MALRD1: variants seen among roughly 807,000 people sequenced by gnomAD.
MALRD1 encodes the protein MAM and LDL receptor class A domain containing 1, also known as MAM and LDL-receptor class A domain-containing protein 1.
In MALRD1, 247 loss-of-function variants were observed where a neutral mutation model predicts 242.1. That is an observed-to-expected ratio of 1.02 (90% CI 0.92 to 1.13). The LOEUF (loss-of-function observed/expected upper bound fraction) is 1.13, where lower values mean the gene tolerates loss of function less well. MALRD1 is among the 50% of genes most tolerant of loss of function. The probability of loss-of-function intolerance (pLI) is 0.00; values close to 1 mark genes in which losing one functional copy is unlikely to be tolerated. For missense variants in MALRD1, 2,989 were observed against 2,533.1 expected (o/e 1.18, Z -3.86); for synonymous variants, 995 against 866.6 (o/e 1.15, Z -2.60).
intron 29 of MALRD1, among the ~76,000 whole-genome samples, chr10:19,475,275 C>T (rs1257684731): frequency 3.3e-5 from 5 of 151,954 alleles, no homozygotes; most frequent in African/African-American, 4.8e-5. Flanking sequence ...ATTAGCCAGG[C>T]GTGGTGGTGG....
At chr10:19,509,852 G>C (rs1436254961) in intron 31 of MALRD1, among the ~76,000 whole-genome samples, 2 of 152,158 alleles carry the variant, frequency 1.3e-5, no homozygotes, top group African/African-American at 4.8e-5. Flanking sequence ...TTTCTCGTCA[G>C]GTGGAAGGAG....
At chr10:19,573,453 G>A (rs1199884148) in intron 33 of MALRD1, among the ~76,000 whole-genome samples, 2 of 152,164 alleles carry the variant, frequency 1.3e-5, no homozygotes, top group Non-Finnish European at 2.9e-5. Flanking sequence ...GCCCAGTGGA[G>A]CAGAGACATG....
chr10:19,554,769 A>G (rs1288224211), intron 32 of MALRD1, among the ~76,000 whole-genome samples: 1 of 152,142 alleles, frequency 6.6e-6, no homozygotes, highest in Non-Finnish European at 1.5e-5. Context: ...TATATGCACC[A>G]CATTTTTTGT....
chr10:19,513,602 G>C (rs992455268), intron 31 of MALRD1, among the ~76,000 whole-genome samples: 12 of 151,936 alleles, frequency 7.9e-5, no homozygotes, highest in African/African-American at 2.9e-4. Context: ...AGCCAGGCGT[G>C]GTAGCGGGTG....
At chr10:19,113,869 C>A (rs1836779614) in intron 5 of MALRD1, among the ~76,000 whole-genome samples, 6 of 151,156 alleles carry the variant, frequency 4.0e-5, no homozygotes, top group Admixed American at 4.0e-4. Context: ...TGATTTATCT[C>A]CATGACTAAA....
intron 31 of MALRD1, among the ~76,000 whole-genome samples, chr10:19,516,768 TTCTTCTCCTCCC>T (rs546591755): frequency 7.0e-6 from 1 of 143,636 alleles, no homozygotes; most frequent in East Asian, 2.3e-4. Flanking sequence ...CCCCTTCACC[TTCTTCTCCTCCC>T]TCTTCTCCTC....
At chr10:19,636,669 C>T (rs1042281772) in intron 36 of MALRD1, among the ~76,000 whole-genome samples, 2 of 151,920 alleles carry the variant, frequency 1.3e-5, no homozygotes, top group African/African-American at 2.4e-5. Flanking sequence ...AAGGCCGTGG[C>T]GAGTGGATCA....
chr10:19,333,987 T>C (rs1843497699), intron 24 of MALRD1, among the ~76,000 whole-genome samples: 1 of 152,128 alleles, frequency 6.6e-6, no homozygotes, highest in Non-Finnish European at 1.5e-5. Flanking sequence ...CACTTTTTAA[T>C]GGGGTTGTTT....
chr10:19,061,468 A>G (rs1834820298), intron 1 of MALRD1, among the ~76,000 whole-genome samples: 1 of 152,088 alleles, frequency 6.6e-6, no homozygotes, highest in Non-Finnish European at 1.5e-5. Context: ...AACCTCAAAT[A>G]ACCAATAAAT....
At chr10:19,320,041 C>CTTTTTTTTTTT in intron 21 of MALRD1, among the ~76,000 whole-genome samples, 1 of 73,070 alleles carries the variant, frequency 1.4e-5, no homozygotes, top group Non-Finnish European at 2.4e-5. Flanking sequence ...TATAAAACTG[C>CTTTTTTTTTTT]TTTTTTTTTT....
At chr10:19,403,253 A>G (rs1846948600) in intron 28 of MALRD1, among the ~76,000 whole-genome samples, 1 of 152,176 alleles carries the variant, frequency 6.6e-6, no homozygotes, top group Non-Finnish European at 1.5e-5. Flanking sequence ...AATAGAAGCC[A>G]TAAAAGTGGA....
chr10:19,509,475 G>C (rs1589172734), intron 31 of MALRD1, among the ~76,000 whole-genome samples: 1 of 152,260 alleles, frequency 6.6e-6, no homozygotes, highest in East Asian at 1.9e-4. Flanking sequence ...GAAGACTTCA[G>C]GGTAATGGCC....
At chr10:19,595,107 A>T in intron 33 of MALRD1, 87 bp from the exon 34 acceptor site, 2 of 1,297,258 alleles carry the variant, frequency 1.5e-6, no homozygotes, top group Non-Finnish European at 2.1e-6. Context: ...CATTTTATAC[A>T]ATAAGAAATG....
In MALRD1 at chr10:19,331,330, T is replaced by C; in HGVS notation, c.3688-39T>C. 7 of 1,498,690 alleles carry C rather than the reference T, an allele frequency of 4.7e-6. No homozygotes were observed. In the South Asian group the frequency reaches 7.2e-5, roughly 15 times the overall value. 92.8% of individuals were successfully genotyped at this position (1,498,690 alleles called of 1,614,324 possible). A position where few individuals can be genotyped will look rare whatever the true frequency, so the allele number is the denominator to read the frequency against. ...AGTGTTTGCCCAGGTTTTGAACTTCTTGATTGACAGTTTAACTGTAACTGG... is the reference window on the plus strand; with the variant it reads ...AGTGTTTGCCCAGGTTTTGAACTTCCTGATTGACAGTTTAACTGTAACTGG... On this transcript the variant is annotated intron_variant, in intron 23 of 39. Transcript: ENST00000454679.
intron 29 of MALRD1, among the ~76,000 whole-genome samples, chr10:19,463,494 T>C (rs184788385): frequency 1.2e-3 from 187 of 152,120 alleles, no homozygotes; most frequent in African/African-American, 3.9e-3. Context: ...AGTCTCTAGT[T>C]CCATCCAGGT....
At chr10:19,391,633 C>T (rs1264780654) in intron 28 of MALRD1, among the ~76,000 whole-genome samples, 4 of 152,188 alleles carry the variant, frequency 2.6e-5, no homozygotes, top group Admixed American at 2.0e-4. Context: ...TCCCTCCACA[C>T]CGAGTCGCAC....
chr10:19,425,512 CCTTTT>C (rs1247412766), intron 28 of MALRD1, among the ~76,000 whole-genome samples: 1 of 151,914 alleles, frequency 6.6e-6, no homozygotes, highest in Non-Finnish European at 1.5e-5. Context: ...TCTTTTCTTT[CCTTTT>C]CTTTTCTTCC....
At chr10:19,335,636 C>A (rs1843572800) in intron 24 of MALRD1, among the ~76,000 whole-genome samples, 1 of 152,096 alleles carries the variant, frequency 6.6e-6, no homozygotes, top group Admixed American at 6.6e-5. Flanking sequence ...ATTCCACAGT[C>A]TCCTTTCTTT....
chr10:19,618,166 CTTT>C (rs964669617), intron 36 of MALRD1, among the ~76,000 whole-genome samples: 1 of 151,790 alleles, frequency 6.6e-6, no homozygotes, highest in Non-Finnish European at 1.5e-5. Context: ...GAATCTAATT[CTTT>C]TTTTTAAGGC....
Sources: gnomAD v4.1 joint callset for allele counts (sites outside exome capture counted in the v4.1 genomes callset) on GRCh38, gnomAD v4.1.1 for gene constraint, MANE v1.5 for transcripts, NCBI Gene and HGNC (gene_info 2026-07-23, HGNC 2026-07-21) for gene names.